ADGRV1: variants seen among roughly 807,000 people sequenced by gnomAD.
ADGRV1 encodes adhesion G protein-coupled receptor V1.
Under a neutral mutation model 596.2 loss-of-function variants are expected in ADGRV1, and 359 were observed. That is an observed-to-expected ratio of 0.60 (90% CI 0.55 to 0.66). The LOEUF is 0.66. Ranked by LOEUF, ADGRV1 falls within the 30% of genes least tolerant of loss-of-function variation. The pLI is 0.00. For missense variants in ADGRV1, 7,274 were observed against 7,575.6 expected (o/e 0.96, Z 1.48); for synonymous variants, 2,681 against 2,679.2 (o/e 1.00, Z -0.02).
At chr5:90,816,472 A>G (rs1311035646) in intron 75 of ADGRV1, among the ~76,000 whole-genome samples, 2 of 151,506 alleles carry the variant, frequency 1.3e-5, no homozygotes. Flanking sequence ...CAGGTTTGTT[A>G]CGTATGTACA....
chr5:90,625,061 C>T (rs1764555083), intron 5 of ADGRV1, 69 bp from the exon 6 acceptor site: 1 of 901,256 alleles, frequency 1.1e-6, no homozygotes, highest in Non-Finnish European at 1.8e-6. Flanking sequence ...CAGCTGACAT[C>T]ACAATGATGC....
At chr5:90,985,543 C>T in intron 85 of ADGRV1, 21 bp downstream of exon 85, 1 of 1,597,074 alleles carries the variant, frequency 6.3e-7, no homozygotes, top group Non-Finnish European at 8.6e-7. Flanking sequence ...CCAGGCAACA[C>T]ATTGCCCTAG....
intron 74 of ADGRV1, among the ~76,000 whole-genome samples, chr5:90,812,261 C>T (rs1421530210): frequency 1.3e-5 from 2 of 152,152 alleles, no homozygotes; most frequent in African/African-American, 4.8e-5. Context: ...TGAAATACAT[C>T]AGCATGTCAA....
chr5:90,637,871 T>C lies in ADGRV1; in HGVS notation c.2163T>C (p.Ser721=). ...NGSVLFLSGQ[S]DTTINITIKG... is the part of the protein sequence containing the mutation. ...CTGTTTTGTTTTTATCTGGGCAAAG[T>C]GACACAACAATCAACATTACTATCA... is the stretch of plus-strand genomic sequence containing the variant. Residue 721 remains serine (S), a synonymous_variant, in exon 11 of 90, where the codon AGT becomes AGC. Transcript: ENST00000405460. The C allele has an allele frequency of 6.2e-7, 1 of 1,613,696 alleles. No individual in the cohort carries two copies. The highest frequency in any genetic ancestry group is 8.5e-7 in the Non-Finnish European group (1 of 1,179,760).
At chr5:90,600,136 T>A (rs1218326170) in intron 1 of ADGRV1, among the ~76,000 whole-genome samples, 3 of 152,188 alleles carry the variant, frequency 2.0e-5, no homozygotes, top group Non-Finnish European at 4.4e-5. Context: ...CTCTGCCTAA[T>A]TCATTTGAGC....
intron 85 of ADGRV1, among the ~76,000 whole-genome samples, chr5:91,039,337 A>G (rs762496281): frequency 1.2e-4 from 19 of 152,166 alleles, no homozygotes; most frequent in Non-Finnish European, 2.6e-4. Flanking sequence ...GGCTTTCTTC[A>G]TGAAGTACAA....
intron 70 of ADGRV1, among the ~76,000 whole-genome samples, chr5:90,794,057 C>G (rs1275187881): frequency 6.6e-6 from 1 of 152,154 alleles, no homozygotes; most frequent in Non-Finnish European, 1.5e-5. Flanking sequence ...ACCCATTGCT[C>G]TTTGAAGATT....
chr5:90,670,843 A>T (rs1772356991), intron 21 of ADGRV1, among the ~76,000 whole-genome samples: 1 of 152,228 alleles, frequency 6.6e-6, no homozygotes, highest in East Asian at 1.9e-4. Context: ...TGGAATTAAT[A>T]CTTTGGCTAA....
intron 83 of ADGRV1, among the ~76,000 whole-genome samples, chr5:90,877,976 T>C (rs1039450450): frequency 6.6e-5 from 10 of 152,180 alleles, no homozygotes; most frequent in African/African-American, 2.2e-4. Context: ...CCTTTGTGAA[T>C]TTGCTATTGA....
rs1225112062 is a variant in ADGRV1, at chr5:90,745,706, A to G, written c.10885A>G (p.Lys3629Glu). ...ESFKVQLKNP[K>E]GGAEIGINDS... is the part of the protein sequence containing the mutation. ...CTTCAAAGTTCAACTTAAAAATCCC[A>G]AAGGAGGAGCAGAGATTGGCATTAA... The change falls in exon 52 of 90, where the codon AAA becomes GAA. Residue 3629 changes from lysine (K) to glutamate (E), a missense_variant. Coordinates refer to ENST00000405460, the MANE Select transcript of ADGRV1 (RefSeq NM_032119.4). The G allele has an allele frequency of 3.7e-6, 6 of 1,611,998 alleles. No homozygotes were observed. The highest frequency in any genetic ancestry group is 3.3e-5 in the Admixed American group (2 of 60,000).
intron 21 of ADGRV1, among the ~76,000 whole-genome samples, chr5:90,662,187 C>CTTTTTTTTTT (rs5869513): frequency 3.1e-5 from 4 of 130,868 alleles, no homozygotes; most frequent in African/African-American, 5.8e-5. Context: ...GGTTAAACAA[C>CTTTTTTTTTT]TTTTTTTTTT....
At position 90,843,264 on chromosome 5, in the gene ADGRV1, C is replaced by T. The variant is rs186027116; in HGVS notation, c.17019+2279C>T. 3.5e-3 allele frequency among the ~76,000 whole-genome samples: 540 copies of T among 152,218 alleles called. 3 individuals carry two copies. The highest frequency in any genetic ancestry group is 5.9e-3 in the Non-Finnish European group (402 of 68,016). On this transcript the variant is annotated intron_variant, in intron 78 of 89. Transcript: ENST00000405460. ...GACCTTGCCCTAGCAGATATGAAAA[C>T]ATATTTGAAATATGGTGTTACTGTG...
At chr5:90,811,722 A>C (rs892263433) in intron 74 of ADGRV1, among the ~76,000 whole-genome samples, 2 of 151,194 alleles carry the variant, frequency 1.3e-5, no homozygotes, top group Admixed American at 6.6e-5. Flanking sequence ...CATTGGCAGG[A>C]AATTCTTTTT....
chr5:90,788,019 G>T (rs80065657), intron 67 of ADGRV1, 52 bp from the exon 68 acceptor site: 4 of 1,377,482 alleles, frequency 2.9e-6, no homozygotes, highest in East Asian at 2.5e-5. Context: ...ATAGTTTTTT[G>T]CTTAAAATTG....
At chr5:90,563,959 C>A (rs1409175718) in intron 1 of ADGRV1, among the ~76,000 whole-genome samples, 6 of 152,124 alleles carry the variant, frequency 3.9e-5, no homozygotes, top group Admixed American at 3.3e-4. Context: ...TTCCTGTAAT[C>A]CATGTCATGG....
chr5:90,681,220 A>C, intron 26 of ADGRV1, 95 bp from the exon 27 acceptor site: 4 of 1,321,296 alleles, frequency 3.0e-6, no homozygotes, highest in Non-Finnish European at 4.2e-6. Flanking sequence ...GAATGGAAGG[A>C]CTCTTTTCAA....
At chr5:91,049,825 C>T (rs1321579781) in intron 85 of ADGRV1, among the ~76,000 whole-genome samples, 4 of 152,154 alleles carry the variant, frequency 2.6e-5, no homozygotes, top group African/African-American at 4.8e-5. Context: ...CTACGGGTTC[C>T]ACAGGGCCAA....
intron 83 of ADGRV1, among the ~76,000 whole-genome samples, chr5:90,920,565 T>C (rs577851372): frequency 7.9e-5 from 12 of 152,352 alleles, no homozygotes; most frequent in African/African-American, 2.9e-4. Context: ...GAGAAATGAT[T>C]AATATTTTAT....
intron 53 of ADGRV1, among the ~76,000 whole-genome samples, chr5:90,753,342 T>C: frequency 7.3e-6 from 1 of 136,170 alleles, no homozygotes; most frequent in South Asian, 2.4e-4. Flanking sequence ...ACAATTTGGC[T>C]GCATTTTTTT....
Sources: allele counts gnomAD v4.1 joint callset (sites outside exome capture counted in the v4.1 genomes callset), GRCh38; gene constraint gnomAD v4.1.1; transcripts MANE v1.5; gene names NCBI Gene and HGNC (gene_info 2026-07-23, HGNC 2026-07-21).